SPIN2A: variants seen among roughly 807,000 people sequenced by gnomAD.
SPIN2A encodes spindlin family member 2A.
In SPIN2A, 4 loss-of-function variants were observed where a neutral mutation model predicts 9.2. That is an observed-to-expected ratio of 0.44 (90% CI 0.21 to 1.00). The LOEUF is 1.00. Among genes scored for constraint, SPIN2A ranks in the 50% least tolerant of loss-of-function variants. The pLI is 0.26. For missense variants in SPIN2A, 77 were observed against 172.8 expected (o/e 0.45, Z 3.11); for synonymous variants, 25 against 61.2 (o/e 0.41, Z 2.76).
At chrX:57,138,331 G>C (rs1398241112), upstream of SPIN2A, among the ~76,000 whole-genome samples, 1 of 110,269 alleles carries the variant, frequency 9.1e-6, no homozygotes, top group African/African-American at 3.3e-5. Context: ...AAACCAAATG[G>C]GTGTACAATA....
In SPIN2A at chrX:57,137,378, G is replaced by T. The variant is rs1927853812; in HGVS notation, c.-124C>A. On this transcript the variant is annotated 5_prime_UTR_variant, in exon 1 of 2. Coordinates refer to ENST00000374906, the MANE Select transcript of SPIN2A (RefSeq NM_019003.5). ...ATAGATGAGGAGCGTGTGTAGGAGC[G>T]CGGCGAGACAGGCAAAGAGCACTGC... The T allele has an allele frequency of 1.3e-6, 1 of 752,246 alleles. No individual in the cohort carries two copies. The allele number at this position is 752,246 out of a possible 1,213,427, so 62.0% of individuals were successfully genotyped here.
chrX:57,142,678 G>T, the SPIN2A span, among the ~76,000 whole-genome samples: 1 of 111,418 alleles, frequency 9.0e-6, no homozygotes, highest in Non-Finnish European at 1.9e-5. Context: ...TTGTCTAGAT[G>T]ATCTTTACCA....
At chrX:57,140,123 AG>A (rs1402780662), upstream of SPIN2A, among the ~76,000 whole-genome samples, 3 of 111,336 alleles carry the variant, frequency 2.7e-5, no homozygotes, top group African/African-American at 6.5e-5. Flanking sequence ...TCATTGTAAA[AG>A]GGATTGCTTT....
downstream of SPIN2A, chrX:57,135,170 C>A (rs1441318162): frequency 8.7e-6 from 1 of 114,652 alleles, no homozygotes; most frequent in Admixed American, 8.9e-5. Flanking sequence ...ACACCCTAAC[C>A]CACATAGCCT....
chrX:57,139,620 A>T (rs1569187936), upstream of SPIN2A, among the ~76,000 whole-genome samples: 1 of 110,452 alleles, frequency 9.1e-6, no homozygotes, highest in African/African-American at 3.3e-5. Flanking sequence ...CACTGGGCTA[A>T]TTTTTTTGTA....
the SPIN2A span, among the ~76,000 whole-genome samples, chrX:57,147,153 A>G: frequency 2.7e-5 from 3 of 111,591 alleles, 1 homozygote; most frequent in South Asian, 1.1e-3. Context: ...TGTTCTTTCA[A>G]TGTCTGATAG....
At chrX:57,144,703 C>T in the SPIN2A span, among the ~76,000 whole-genome samples, 1 of 110,036 alleles carries the variant, frequency 9.1e-6, no homozygotes, top group South Asian at 3.9e-4. Context: ...TCCCAAAGTC[C>T]GTTGTATCAT....
At chrX:57,144,448 GT>G in the SPIN2A span, among the ~76,000 whole-genome samples, 6 of 99,866 alleles carry the variant, frequency 6.0e-5, no homozygotes, top group East Asian at 3.1e-4. Context: ...AACTCTGTGG[GT>G]TTTTTTTTCC....
chrX:57,137,456 G>A (rs751930639), upstream of SPIN2A: 23 of 557,391 alleles, frequency 4.1e-5, no homozygotes, highest in South Asian at 9.3e-5. Flanking sequence ...TGTTGGTGGC[G>A]GCCACCCCTC....
chrX:57,141,740 A>T (rs565111036), upstream of SPIN2A, among the ~76,000 whole-genome samples: 4 of 110,306 alleles, frequency 3.6e-5, no homozygotes, highest in South Asian at 1.2e-3. Flanking sequence ...ATCTGTAACA[A>T]TTTTTTTATT....
upstream of SPIN2A, among the ~76,000 whole-genome samples, chrX:57,139,779 G>A (rs771808702): frequency 3.6e-5 from 4 of 111,850 alleles, no homozygotes; most frequent in African/African-American, 9.8e-5. Context: ...ATAATTTGAA[G>A]TCAGGTAATT....
chrX:57,143,646 C>A, the SPIN2A span, among the ~76,000 whole-genome samples: 3 of 110,099 alleles, frequency 2.7e-5, no homozygotes, highest in Non-Finnish European at 5.7e-5. Context: ...TAAGCTATTT[C>A]TTTGTATTTT....
At chrX:57,144,972 TGATG>T in the SPIN2A span, among the ~76,000 whole-genome samples, 7 of 111,270 alleles carry the variant, frequency 6.3e-5, no homozygotes, top group South Asian at 2.7e-3. Context: ...ACTCATTGAT[TGATG>T]AACATTTGGG....
upstream of SPIN2A, among the ~76,000 whole-genome samples, chrX:57,142,440 G>T (rs1281945510): frequency 8.9e-6 from 1 of 111,772 alleles, no homozygotes. Context: ...TATTTCTATT[G>T]TTTTATTCCA....
Position 57,135,666 on chromosome X carries a change from T to C in SPIN2A, c.*155A>G. On this transcript the variant is annotated 3_prime_UTR_variant, in exon 2 of 2. Coordinates refer to ENST00000374906, the MANE Select transcript of SPIN2A (RefSeq NM_019003.5). ...GACAGCATGTCATGTATTCACAAAT[T>C]TGTATTTTTTAGAGCAAAACAACAG... 1 of 1,068,390 alleles carries C rather than the reference T, an allele frequency of 9.4e-7. No homozygotes were observed. Among genetic ancestry groups the C allele is most frequent in the Non-Finnish European group, 1.2e-6 (1 of 813,475 alleles). The allele number at this position is 1,068,390 out of a possible 1,213,427, so 88.0% of individuals were successfully genotyped here.
chrX:57,136,936 G>C (rs916246438), intron 1 of SPIN2A: 31 of 824,121 alleles, frequency 3.8e-5, no homozygotes, highest in African/African-American at 1.0e-4. Context: ...AAGCGGCCTT[G>C]ACCAGCACCC....
chrX:57,140,817 A>G (rs1927982236), upstream of SPIN2A, among the ~76,000 whole-genome samples: 1 of 111,461 alleles, frequency 9.0e-6, no homozygotes, highest in African/African-American at 3.3e-5. Context: ...AATAGACACT[A>G]GGATTTCCAA....
At chrX:57,135,573 C>A, downstream of SPIN2A, 1 of 519,806 alleles carries the variant, frequency 1.9e-6, no homozygotes, top group Non-Finnish European at 3.0e-6. Context: ...AAATTGACAG[C>A]TGTTCGTTCC....
the SPIN2A span, among the ~76,000 whole-genome samples, chrX:57,146,710 A>G: frequency 8.9e-6 from 1 of 112,066 alleles, no homozygotes; most frequent in Admixed American, 9.4e-5. Flanking sequence ...TTTGCCATAG[A>G]TGGCTTTTAT....
Sources: gnomAD v4.1 joint callset for allele counts (sites outside exome capture counted in the v4.1 genomes callset) on GRCh38, gnomAD v4.1.1 for gene constraint, MANE v1.5 for transcripts, NCBI Gene and HGNC (gene_info 2026-07-23, HGNC 2026-07-21) for gene names.